The following CDC42BPB variants were observed in gnomAD, a reference collection of about 807,000 sequenced individuals.
CDC42BPB encodes serine/threonine-protein kinase MRCK beta.
CDC42BPB carries 37 observed loss-of-function variants against 214.9 expected under a neutral mutation model. The observed-to-expected ratio is 0.17, with a 90% confidence interval of 0.13 to 0.23. The LOEUF is 0.23. Ranked by LOEUF, CDC42BPB falls within the 10% of genes least tolerant of loss-of-function variation. The probability of loss-of-function intolerance (pLI) is 1.00; values close to 1 mark genes in which losing one functional copy is unlikely to be tolerated. For synonymous variants in CDC42BPB, 931 were observed against 884.0 expected, an observed-to-expected ratio of 1.05 and a Z score of -0.94; for missense variants, 1,694 against 2,227.0, an observed-to-expected ratio of 0.76 and a Z score of 4.82.
chr14:103,033,767 A>G (rs557286799), intron 1 of CDC42BPB, among the ~76,000 whole-genome samples: 10 of 152,332 alleles, frequency 6.6e-5, no homozygotes, highest in Admixed American at 2.0e-4. Flanking sequence ...AAGTTTCTGA[A>G]AAATTAGTTT....
intron 19 of CDC42BPB, among the ~76,000 whole-genome samples, chr14:102,964,226 G>A (rs1247679317): frequency 6.6e-6 from 1 of 152,224 alleles, no homozygotes; most frequent in East Asian, 1.9e-4. Flanking sequence ...CCAGCGTGGG[G>A]GCACAAGCAC....
intron 21 of CDC42BPB, among the ~76,000 whole-genome samples, chr14:102,958,201 C>T (rs1892795914): frequency 6.6e-6 from 1 of 152,210 alleles, no homozygotes; most frequent in Non-Finnish European, 1.5e-5. Context: ...ACGGCATCAG[C>T]ACAGAATGCC....
intron 1 of CDC42BPB, among the ~76,000 whole-genome samples, chr14:103,020,540 G>A (rs1028401936): frequency 6.6e-6 from 1 of 152,214 alleles, no homozygotes. Flanking sequence ...AGGTATGGAT[G>A]TGTGCGAGGG....
intron 7 of CDC42BPB, among the ~76,000 whole-genome samples, chr14:102,982,499 T>C (rs935634868): frequency 1.3e-5 from 2 of 152,208 alleles, no homozygotes; most frequent in African/African-American, 4.8e-5. Flanking sequence ...CTGGGTGCGA[T>C]GGCTCACGCC....
intron 36 of CDC42BPB, among the ~76,000 whole-genome samples, chr14:102,935,054 C>T (rs1191459620): frequency 6.7e-6 from 1 of 149,576 alleles, no homozygotes. Flanking sequence ...AGATCAGCAA[C>T]AAGGCAAGGA....
At chr14:102,993,699 TTC>T (rs905999154) in intron 5 of CDC42BPB, among the ~76,000 whole-genome samples, 11 of 152,142 alleles carry the variant, frequency 7.2e-5, no homozygotes, top group African/African-American at 2.4e-4. Context: ...CTCCACTCCC[TTC>T]TGTGAGTCAC....
At chr14:103,039,819 G>C (rs1398989712) in intron 1 of CDC42BPB, among the ~76,000 whole-genome samples, 4 of 151,978 alleles carry the variant, frequency 2.6e-5, no homozygotes, top group African/African-American at 9.7e-5. Flanking sequence ...AAAGGAAGAA[G>C]CAGAACTATC....
intron 1 of CDC42BPB, among the ~76,000 whole-genome samples, chr14:103,032,272 G>T (rs1238263673): frequency 6.6e-6 from 1 of 152,060 alleles, no homozygotes; most frequent in East Asian, 1.9e-4. Flanking sequence ...ACCCCGCGTG[G>T]GTGCACACTT....
intron 3 of CDC42BPB, among the ~76,000 whole-genome samples, chr14:103,007,114 G>A (rs1276155373): frequency 6.6e-6 from 1 of 152,216 alleles, no homozygotes; most frequent in Non-Finnish European, 1.5e-5. Flanking sequence ...AAGGGAGACC[G>A]TGTACACCCC....
chr14:103,003,103 G>A (rs1365718377), intron 4 of CDC42BPB, among the ~76,000 whole-genome samples: 1 of 152,092 alleles, frequency 6.6e-6, no homozygotes, highest in Non-Finnish European at 1.5e-5. Context: ...TGACCACAGC[G>A]ACCACGCCCC....
rs368426158 is a variant in CDC42BPB, at chr14:102,950,169, G to A, written c.3310-265C>T. The A allele has an allele frequency of 1.9e-4, 172 of 899,266 alleles. 1 individual carries two copies. The South Asian group carries it at 6.4e-3, about 33-fold the overall frequency. The allele number at this position is 899,266 out of a possible 1,614,324, so 55.7% of individuals were successfully genotyped here. A position where few individuals can be genotyped will look rare whatever the true frequency, so the allele number is the denominator to read the frequency against. On this transcript the variant is annotated intron_variant, in intron 25 of 36. Transcript: ENST00000361246. The stretch of plus-strand genomic sequence containing the variant: ...GTGGTACACGCAGCCCGACAGTCTC[G>A]TAGAGGTGGGCCTGGCACAGTGGCT...
At position 102,933,853 on chromosome 14, in the gene CDC42BPB, G is replaced by A; in HGVS notation, c.5005-10C>T. On this transcript the variant is annotated splice_polypyrimidine_tract_variant and intron_variant, in intron 36 of 36. Transcript: ENST00000361246. ...TGGAGTCCGAATCAGGCTGTGAACA[G>A]GAAGAGGGCAGGGTGAGCACCCGCT... 6.6e-7 allele frequency: 1 copy of A among 1,516,570 alleles called. No individual in the cohort carries two copies. The highest frequency in any genetic ancestry group is 8.8e-7 in the Non-Finnish European group (1 of 1,139,454). The allele number at this position is 1,516,570 out of a possible 1,614,324, so 93.9% of individuals were successfully genotyped here. A position where few individuals can be genotyped will look rare whatever the true frequency, so the allele number is the denominator to read the frequency against.
intron 1 of CDC42BPB, among the ~76,000 whole-genome samples, chr14:103,056,284 C>T (rs1311742163): frequency 6.6e-6 from 1 of 152,166 alleles, no homozygotes; most frequent in Admixed American, 6.5e-5. Context: ...AAAAAAAGTC[C>T]TCTTGCACGG....
Position 102,978,186 on chromosome 14 carries a change from G to A in CDC42BPB, c.1160C>T (p.Ser387Phe). Residue 387 changes from serine to phenylalanine, a missense_variant, in exon 9 of 37, where the codon TCT becomes TTT. Transcript: ENST00000361246. ...LRNTEILPPG[S>F]HTGFSGLHLP... ...ATGTAATCCAGAAAAGCCTGTGTGAGAACCAGGAGGTAATATTTCCTGCAT... is the reference window on the plus strand; with the variant it reads ...ATGTAATCCAGAAAAGCCTGTGTGAAAACCAGGAGGTAATATTTCCTGCAT... The A allele has an allele frequency of 1.2e-6, 2 of 1,613,114 alleles. No homozygotes were observed. The highest frequency in any genetic ancestry group is 1.7e-6 in the Non-Finnish European group (2 of 1,179,068).
chr14:102,965,870 T>A (rs1893178309), intron 18 of CDC42BPB, among the ~76,000 whole-genome samples: 1 of 152,086 alleles, frequency 6.6e-6, no homozygotes, highest in Admixed American at 6.5e-5. Context: ...GGCAGGAGAA[T>A]CACTTGAAGC....
At chr14:102,975,169 G>C (rs34900267) in intron 11 of CDC42BPB, among the ~76,000 whole-genome samples, 1 of 152,168 alleles carries the variant, frequency 6.6e-6, no homozygotes, top group Non-Finnish European at 1.5e-5. Flanking sequence ...GCCAGAGAAC[G>C]TACAGATAAA....
At chr14:103,048,888 T>C (rs920025078) in intron 1 of CDC42BPB, among the ~76,000 whole-genome samples, 10 of 151,292 alleles carry the variant, frequency 6.6e-5, no homozygotes, top group African/African-American at 2.4e-4. Flanking sequence ...AAAAAAAAAA[T>C]TTACTCCATG....
intron 1 of CDC42BPB, among the ~76,000 whole-genome samples, chr14:103,037,921 T>C (rs1170238827): frequency 6.8e-6 from 1 of 146,810 alleles, no homozygotes; most frequent in Non-Finnish European, 1.5e-5. Flanking sequence ...CCCAGCTACT[T>C]GGGAGGCTGA....
At chr14:102,964,439 AG>A in intron 19 of CDC42BPB, 62 bp downstream of exon 19, 1 of 1,573,310 alleles carries the variant, frequency 6.4e-7, no homozygotes. Flanking sequence ...CGTGAGGCTC[AG>A]GGCGGGCTCG....
Sources: gnomAD v4.1 joint callset for allele counts (sites outside exome capture counted in the v4.1 genomes callset) on GRCh38, gnomAD v4.1.1 for gene constraint, MANE v1.5 for transcripts, NCBI Gene and HGNC (gene_info 2026-07-23, HGNC 2026-07-21) for gene names.